MARK1: variants seen among roughly 807,000 people sequenced by gnomAD.
MARK1 encodes the protein microtubule affinity regulating kinase 1, also known as serine/threonine-protein kinase MARK1.
MARK1 carries 40 observed loss-of-function variants against 96.3 expected under a neutral mutation model. The ratio of observed to expected loss-of-function variants is 0.42; its 90% CI spans 0.32 to 0.54. MARK1 has a LOEUF of 0.54. MARK1 is among the 20% of genes least tolerant of loss of function. The probability of loss-of-function intolerance (pLI) is 0.16; values close to 1 mark genes in which losing one functional copy is unlikely to be tolerated. For synonymous variants in MARK1, 317 were observed against 341.2 expected (o/e 0.93, Z 0.78); for missense variants, 719 against 984.6 (o/e 0.73, Z 3.61).
intron 9 of MARK1, chr1:220,626,547 G>C: frequency 4.2e-6 from 2 of 480,332 alleles, no homozygotes; most frequent in Non-Finnish European, 8.3e-6. Flanking sequence ...ATGCTGGCCT[G>C]TCGTGGTGGC....
chr1:220,627,310 T>C, intron 9 of MARK1: 1 of 503,942 alleles, frequency 2.0e-6, no homozygotes, highest in Non-Finnish European at 4.1e-6. Context: ...CTCTTCCAAC[T>C]TCAAAAAAGC....
intron 1 of MARK1, chr1:220,576,857 AATAGTTGAAGT>A (rs375999099): frequency 1.8e-3 from 279 of 152,376 alleles, no homozygotes; most frequent in African/African-American, 6.6e-3. Context: ...TGAGAGTTCT[AATAGTTGAAGT>A]ATATATTGGG....
intron 17 of MARK1, among the ~76,000 whole-genome samples, chr1:220,659,275 AT>A (rs1669335646): frequency 6.6e-6 from 1 of 152,014 alleles, no homozygotes; most frequent in African/African-American, 2.4e-5. Context: ...GAAAATGCCT[AT>A]TTTACAGATG....
intron 9 of MARK1, among the ~76,000 whole-genome samples, chr1:220,625,333 A>G (rs578027562): frequency 5.3e-5 from 8 of 152,348 alleles, no homozygotes; most frequent in South Asian, 4.1e-4. Context: ...CAATTTACAA[A>G]TATGTACTGA....
chr1:220,581,706 TCA>T (rs1473468476), intron 3 of MARK1, among the ~76,000 whole-genome samples: 1 of 152,140 alleles, frequency 6.6e-6, no homozygotes, highest in African/African-American at 2.4e-5. Flanking sequence ...TTCAGATAAC[TCA>T]CAGTACAAAA....
At chr1:220,631,402 C>T (rs1667673331) in intron 10 of MARK1, among the ~76,000 whole-genome samples, 1 of 151,970 alleles carries the variant, frequency 6.6e-6, no homozygotes, top group South Asian at 2.1e-4. Flanking sequence ...TCAGTGATGC[C>T]CAGCAGGAGG....
At chr1:220,656,562 A>G (rs999211005) in intron 16 of MARK1, among the ~76,000 whole-genome samples, 3 of 152,198 alleles carry the variant, frequency 2.0e-5, no homozygotes, top group African/African-American at 7.2e-5. Flanking sequence ...CCATCTGTGT[A>G]TATCAGTTCA....
intron 1 of MARK1, among the ~76,000 whole-genome samples, chr1:220,537,537 G>A (rs1277249286): frequency 4.2e-5 from 6 of 143,858 alleles, no homozygotes; most frequent in East Asian, 2.0e-4. Context: ...GAATAGTGCC[G>A]CAATAAACAT....
At chr1:220,598,086 T>C (rs1441988572) in intron 3 of MARK1, among the ~76,000 whole-genome samples, 1 of 152,162 alleles carries the variant, frequency 6.6e-6, no homozygotes, top group African/African-American at 2.4e-5. Context: ...CACACACAGA[T>C]CATTTGAGTT....
intron 9 of MARK1, chr1:220,627,380 GA>G (rs1667405980): frequency 8.3e-6 from 4 of 483,486 alleles, no homozygotes; most frequent in Non-Finnish European, 1.7e-5. Flanking sequence ...CAAAGTCACA[GA>G]AGAGGAGAAA....
intron 1 of MARK1, among the ~76,000 whole-genome samples, chr1:220,572,640 A>G (rs1021031621): frequency 2.6e-5 from 4 of 152,226 alleles, no homozygotes; most frequent in Non-Finnish European, 4.4e-5. Context: ...ACTTCTGCTT[A>G]TAAGTTCCAC....
intron 9 of MARK1, among the ~76,000 whole-genome samples, chr1:220,621,466 G>A (rs1667048380): frequency 6.6e-6 from 1 of 152,022 alleles, no homozygotes; most frequent in Non-Finnish European, 1.5e-5. Flanking sequence ...TTCAATAATG[G>A]ATACAAATTC....
chr1:220,569,691 A>T (rs147066348), intron 1 of MARK1, among the ~76,000 whole-genome samples: 8 of 152,240 alleles, frequency 5.3e-5, no homozygotes, highest in African/African-American at 1.9e-4. Flanking sequence ...GCTAAATTTC[A>T]CACTAACATA....
chr1:220,605,679 G>T (rs866834800), intron 6 of MARK1, among the ~76,000 whole-genome samples: 1 of 50,552 alleles, frequency 2.0e-5, no homozygotes, highest in Non-Finnish European at 3.8e-5. Flanking sequence ...CCCACCCCAC[G>T]ACAGGCCCCA....
intron 1 of MARK1, among the ~76,000 whole-genome samples, chr1:220,552,007 T>A (rs1473577502): frequency 6.6e-6 from 1 of 152,138 alleles, no homozygotes; most frequent in Admixed American, 6.5e-5. Flanking sequence ...GACATGGGAG[T>A]AAGAAGAGGT....
intron 14 of MARK1, among the ~76,000 whole-genome samples, chr1:220,650,956 G>C (rs1259858489): frequency 6.6e-6 from 1 of 152,158 alleles, no homozygotes; most frequent in East Asian, 1.9e-4. Context: ...AGTAAAATCT[G>C]ATAGTAAATA....
At chr1:220,583,621 G>C (rs184968148) in intron 3 of MARK1, among the ~76,000 whole-genome samples, 1 of 151,232 alleles carries the variant, frequency 6.6e-6, no homozygotes, top group African/African-American at 2.4e-5. Flanking sequence ...TTTAGAAGAG[G>C]GTCCATGAAC....
intron 1 of MARK1, among the ~76,000 whole-genome samples, chr1:220,531,564 C>T (rs996413129): frequency 6.6e-6 from 1 of 152,004 alleles, no homozygotes; most frequent in African/African-American, 2.4e-5. Context: ...CTCAGTGTCA[C>T]TAATATATAT....
In MARK1 at chr1:220,652,065, C is replaced by T; in HGVS notation, c.1651C>T (p.His551Tyr). The T allele has an allele frequency of 1.2e-6, 2 of 1,613,808 alleles. No individual in the cohort carries two copies. Among genetic ancestry groups the T allele is most frequent in the East Asian group, 2.2e-5 (1 of 44,872 alleles). The change falls in exon 15 of 18, where the codon CAC (histidine) becomes TAC (tyrosine). Residue 551 changes from histidine to tyrosine, a missense_variant. Physicochemically the swap from His to Tyr is moderately conservative, Grantham distance 83. Around this residue, in one of 4 missense-constraint regions of MARK1, gnomAD observed 501 missense variants for 588.3 expected, o/e 0.85. Transcript: ENST00000366917. Reference sequence around the variant, plus strand: ...TGCTGTCCCCTCAGCACGACCCCGCCACCAGAAGTCCATGTCCACTTCTGG... The same window carrying T: ...TGCTGTCCCCTCAGCACGACCCCGCTACCAGAAGTCCATGTCCACTTCTGG... ...ASAVPSARPR[H>Y]QKSMSTSGHP...
Sources: allele counts gnomAD v4.1 joint callset (sites outside exome capture counted in the v4.1 genomes callset), GRCh38; gene constraint gnomAD v4.1.1; regional missense constraint gnomAD v4.1.1; transcripts MANE v1.5; gene names NCBI Gene and HGNC (gene_info 2026-07-23, HGNC 2026-07-21).